Variants in CDK13 observed in about 807,000 individuals in gnomAD.
CDK13 encodes the protein cyclin-dependent kinase 13.
In CDK13, 40 loss-of-function variants were observed where a neutral mutation model predicts 137.6. The observed-to-expected ratio is 0.29, with a 90% confidence interval of 0.23 to 0.38. The LOEUF (loss-of-function observed/expected upper bound fraction) is 0.38, where lower values mean the gene tolerates loss of function less well. Ranked by LOEUF, CDK13 falls within the 10% of genes least tolerant of loss-of-function variation. CDK13 has a pLI of 1.00. For synonymous variants in CDK13, 869 were observed against 760.1 expected, an observed-to-expected ratio of 1.14 and a Z score of -2.36; for missense variants, 1,704 against 1,951.8, an observed-to-expected ratio of 0.87 and a Z score of 2.39.
chr7:39,953,566 G>T (rs1014749340), intron 1 of CDK13, among the ~76,000 whole-genome samples: 1 of 152,006 alleles, frequency 6.6e-6, no homozygotes, highest in Non-Finnish European at 1.5e-5. Flanking sequence ...TGTATGACTA[G>T]GACTATTCAT....
chr7:40,006,273 T>A (rs984946540), intron 5 of CDK13, among the ~76,000 whole-genome samples: 3 of 152,204 alleles, frequency 2.0e-5, no homozygotes, highest in African/African-American at 7.2e-5. Context: ...ATGCAGTTAC[T>A]TACATTAGTT....
rs17496740 is a variant in CDK13, at chr7:40,090,554, A to G, written c.3235+2223A>G. Among the ~76,000 whole-genome samples, 137 of 152,114 alleles carry G rather than the reference A, an allele frequency of 9.0e-4. 1 individual carries two copies. In the East Asian group the frequency reaches 0.023, roughly 25 times the overall value. ...TTTTTAATAGAGATGAGGTTTTGCCATGTTGGCCAGGCTGGTCTCGAACTC... is the reference window on the plus strand; with the variant it reads ...TTTTTAATAGAGATGAGGTTTTGCCGTGTTGGCCAGGCTGGTCTCGAACTC... On this transcript the variant is annotated intron_variant, in intron 12 of 13. Transcript: ENST00000181839.
chr7:39,992,164 GTGTGTGTGTGT>G (rs1784474123), intron 2 of CDK13, among the ~76,000 whole-genome samples: 1 of 4,410 alleles, frequency 2.3e-4, no homozygotes. Flanking sequence ...ACTAATGAGG[GTGTGTGTGTGT>G]GTGTGTGTGT....
intron 1 of CDK13, among the ~76,000 whole-genome samples, chr7:39,972,194 G>A (rs1472593499): frequency 2.0e-5 from 3 of 152,202 alleles, no homozygotes; most frequent in Admixed American, 6.5e-5. Flanking sequence ...AGTCAGCCAC[G>A]TGTCTTTTTG....
rs1178481993 is a variant in CDK13 at position 40,063,485 on chromosome 7, A to G, written c.2780+385A>G. On this transcript the variant is annotated intron_variant, in intron 9 of 13. Transcript: ENST00000181839. ...ATGTTTTGGGGTATTGTTTAAAAAT[A>G]CTCTTGTAAATACACATAAAAATAT... Among the ~76,000 whole-genome samples, 4 of 152,110 alleles carry G rather than the reference A, an allele frequency of 2.6e-5. No individual in the cohort carries two copies. The East Asian group carries it at 7.7e-4, about 29-fold the overall frequency.
At chr7:40,022,107 C>T (rs980976344) in intron 5 of CDK13, among the ~76,000 whole-genome samples, 1 of 152,134 alleles carries the variant, frequency 6.6e-6, no homozygotes, top group Non-Finnish European at 1.5e-5. Context: ...TGGAAAAGAG[C>T]CAGGAGGTCT....
intron 7 of CDK13, among the ~76,000 whole-genome samples, chr7:40,053,887 A>G (rs1003676834): frequency 2.8e-4 from 42 of 152,198 alleles, no homozygotes; most frequent in African/African-American, 1.0e-3. Context: ...TGGATGATGT[A>G]GGTATCATTC....
At chr7:39,958,681 AT>A (rs1787503230) in intron 1 of CDK13, among the ~76,000 whole-genome samples, 1 of 151,794 alleles carries the variant, frequency 6.6e-6, no homozygotes, top group South Asian at 2.1e-4. Flanking sequence ...ACTTTGATAA[AT>A]TCTTAGTTTT....
intron 1 of CDK13, chr7:39,952,939 C>T (rs1044946852): frequency 1.3e-5 from 2 of 152,082 alleles, no homozygotes; most frequent in African/African-American, 4.8e-5. Context: ...TCTTATATTC[C>T]TTGAGATGTT....
At chr7:39,994,098 G>A (rs1784514689) in intron 2 of CDK13, among the ~76,000 whole-genome samples, 1 of 152,020 alleles carries the variant, frequency 6.6e-6, no homozygotes, top group African/African-American at 2.4e-5. Context: ...TCGAATTGAT[G>A]TTTAGTAGAT....
intron 4 of CDK13, 142 bp downstream of exon 4, chr7:39,999,642 C>A: frequency 1.2e-6 from 1 of 801,352 alleles, no homozygotes; most frequent in Non-Finnish European, 2.0e-6. Context: ...TTTTTTTATT[C>A]TATATATGCA....
chr7:39,987,887 G>A lies in CDK13; in HGVS notation c.1500G>A (p.Thr500=), dbSNP rs2116265938. Residue 500 remains threonine, a synonymous_variant, in exon 2 of 14, where the codon ACG becomes ACA. Transcript: ENST00000181839. The part of the protein sequence containing the change: ...SNTSTPTKGN[T]ETSASASQTN... ...CTTCTACACCTACCAAGGGGAACAC[G>A]GAAACTAGTGCCAGTGCATCACAAA... is the stretch of plus-strand genomic sequence containing the variant. 5.6e-6 allele frequency: 9 copies of A among 1,614,196 alleles called. No individual in the cohort carries two copies. The highest frequency in any genetic ancestry group is 7.6e-6 in the Non-Finnish European group (9 of 1,180,038).
chr7:40,044,114 C>G (rs1348484838), intron 5 of CDK13, among the ~76,000 whole-genome samples: 1 of 151,628 alleles, frequency 6.6e-6, no homozygotes, highest in East Asian at 2.0e-4. Flanking sequence ...CCAGGCTGGT[C>G]TCTAACTCCT....
chr7:39,953,395 A>C (rs1787300137), intron 1 of CDK13, among the ~76,000 whole-genome samples: 3 of 152,206 alleles, frequency 2.0e-5, no homozygotes, highest in Admixed American at 2.0e-4. Context: ...TGGTTGGTTG[A>C]AGTTTCAGCA....
At chr7:40,023,985 G>A (rs951821596) in intron 5 of CDK13, among the ~76,000 whole-genome samples, 3 of 152,156 alleles carry the variant, frequency 2.0e-5, no homozygotes, top group Non-Finnish European at 4.4e-5. Context: ...CTCTTAAATA[G>A]AAGATATTGC....
rs561731992 is a variant in CDK13, at chr7:40,092,907, T to G, written c.3358T>G (p.Ser1120Ala). Reference sequence around the variant, plus strand: ...CCAAGTGTTGAACATTAAGGTAAACTCTGAGACTCAACAGCAGCTAAATAA... The same window carrying G: ...CCAAGTGTTGAACATTAAGGTAAACGCTGAGACTCAACAGCAGCTAAATAA... Reference protein sequence around the residue: ...FVQVLNIKVNSETQQQLNKIN... With the variant: ...FVQVLNIKVNAETQQQLNKIN... The change falls in exon 13 of 14, where the codon TCT (serine) becomes GCT (alanine). Residue 1120 changes from serine to alanine, a missense_variant. By Grantham distance (99) the Ser-to-Ala change is moderately conservative. This residue lies in a region of CDK13 where 475 missense variants were observed against 579.3 expected (regional missense o/e 0.82). Transcript: ENST00000181839. 8.7e-5 allele frequency: 140 copies of G among 1,614,194 alleles called. No individual in the cohort carries two copies. In the South Asian group the frequency reaches 1.3e-3, roughly 15 times the overall value.
intron 5 of CDK13, among the ~76,000 whole-genome samples, chr7:40,035,450 A>AT (rs769742847): frequency 6.2e-4 from 95 of 152,260 alleles, no homozygotes; most frequent in Non-Finnish European, 1.2e-3. Context: ...CATAGCTCCC[A>AT]TAACTGCCTG....
chr7:39,983,400 C>T (rs999512012), intron 1 of CDK13, among the ~76,000 whole-genome samples: 5 of 152,206 alleles, frequency 3.3e-5, no homozygotes, highest in Non-Finnish European at 5.9e-5. Flanking sequence ...GGATTACAGG[C>T]GTGAGCAACT....
chr7:40,001,791 A>G, intron 4 of CDK13, 70 bp from the exon 5 acceptor site: 1 of 963,698 alleles, frequency 1.0e-6, no homozygotes, highest in Non-Finnish European at 1.6e-6. Context: ...ATTAAAATAC[A>G]TTTAAAGTTA....
Sources: gnomAD v4.1 joint callset for allele counts (sites outside exome capture counted in the v4.1 genomes callset) on GRCh38, gnomAD v4.1.1 for gene constraint, gnomAD v4.1.1 regional missense constraint, MANE v1.5 for transcripts, NCBI Gene and HGNC (gene_info 2026-07-23, HGNC 2026-07-21) for gene names.